Variants in ATP8A2 observed in about 807,000 individuals in gnomAD.
ATP8A2 encodes the protein ATPase phospholipid transporting 8A2, also known as phospholipid-transporting ATPase IB.
ATP8A2 carries 100 observed loss-of-function variants against 165.6 expected under a neutral mutation model. The ratio of observed to expected loss-of-function variants is 0.60; its 90% CI spans 0.51 to 0.71. The LOEUF is 0.71. Ranked by LOEUF, ATP8A2 falls within the 30% of genes least tolerant of loss-of-function variation. ATP8A2 has a pLI of 0.00. For synonymous variants in ATP8A2, 543 were observed against 548.8 expected, an observed-to-expected ratio of 0.99 and a Z score of 0.15; for missense variants, 1,227 against 1,479.5, an observed-to-expected ratio of 0.83 and a Z score of 2.80.
chr13:25,774,027 T>G (rs907481280), intron 26 of ATP8A2, among the ~76,000 whole-genome samples: 1 of 152,212 alleles, frequency 6.6e-6, no homozygotes, highest in Non-Finnish European at 1.5e-5. Context: ...TTTTTGTCAC[T>G]GAAAAAATCT....
Position 25,693,730 on chromosome 13 carries a change from C to T in ATP8A2, c.2212-5443C>T, listed in dbSNP as rs538012753. Among the ~76,000 whole-genome samples, 3 of 152,222 alleles carry T rather than the reference C, an allele frequency of 2.0e-5. No homozygotes were observed. In the East Asian group the frequency reaches 5.8e-4, roughly 29 times the overall value. ...TTTTATTTATTTATTTTGTCTGTCA[C>T]CCAGGTTGGAGTGCAGTGGCACGAT... On this transcript the variant is annotated intron_variant, in intron 24 of 36. Transcript: ENST00000381655.
At chr13:25,936,531 C>T (rs1389180989) in intron 33 of ATP8A2, among the ~76,000 whole-genome samples, 1 of 152,226 alleles carries the variant, frequency 6.6e-6, no homozygotes, top group Non-Finnish European at 1.5e-5. Context: ...ATCTTCAAGT[C>T]AGGCTAAATG....
chr13:25,652,422 A>C (rs2041834878), intron 24 of ATP8A2, among the ~76,000 whole-genome samples: 1 of 152,198 alleles, frequency 6.6e-6, no homozygotes, highest in South Asian at 2.1e-4. Context: ...CCAGCGTCAC[A>C]GACTTAGTGA....
chr13:25,434,652 C>T (rs2138166294), intron 1 of ATP8A2, among the ~76,000 whole-genome samples: 1 of 152,240 alleles, frequency 6.6e-6, no homozygotes, highest in Non-Finnish European at 1.5e-5. Context: ...CCTGGCCCCA[C>T]TTTCTTTTCA....
intron 35 of ATP8A2, among the ~76,000 whole-genome samples, chr13:25,969,665 T>C (rs965436254): frequency 6.6e-6 from 1 of 152,180 alleles, no homozygotes; most frequent in African/African-American, 2.4e-5. Flanking sequence ...TCAAACAGAT[T>C]TTAGAAAAGG....
rs369680859 is a variant in ATP8A2 at position 25,551,445 on chromosome 13, G to C, written c.999G>C (p.Ala333=). 6.2e-6 allele frequency: 10 copies of C among 1,613,934 alleles called. No individual in the cohort carries two copies. The African/African-American group carries it at 6.7e-5, about 11-fold the overall frequency. ...TGGTCATGGCCTTGGTGAGCTCGGC[G>C]GGGGCCCTGTACTGGAACAGGTCTC... The part of the protein sequence containing the change: ...ILLVMALVSS[A]GALYWNRSHG... Residue 333 remains alanine (A), a synonymous_variant, in exon 11 of 37, where the codon GCG becomes GCC. Transcript: ENST00000381655.
At chr13:25,379,683 A>G (rs2137919060) in intron 1 of ATP8A2, among the ~76,000 whole-genome samples, 1 of 152,326 alleles carries the variant, frequency 6.6e-6, no homozygotes, top group Non-Finnish European at 1.5e-5. Flanking sequence ...GTTACTGTAT[A>G]TGTAGCAAAC....
At chr13:25,952,921 C>T (rs1955409547) in intron 33 of ATP8A2, among the ~76,000 whole-genome samples, 1 of 152,162 alleles carries the variant, frequency 6.6e-6, no homozygotes, top group Non-Finnish European at 1.5e-5. Flanking sequence ...TTTTGACATG[C>T]ACGCTCATGA....
intron 28 of ATP8A2, among the ~76,000 whole-genome samples, chr13:25,831,171 G>A (rs1045527404): frequency 2.0e-5 from 3 of 150,872 alleles, no homozygotes; most frequent in African/African-American, 7.3e-5. Context: ...GTTTGATTCC[G>A]CAAGTCAGCT....
At chr13:25,638,745 A>G (rs1014596963) in intron 24 of ATP8A2, among the ~76,000 whole-genome samples, 14 of 152,180 alleles carry the variant, frequency 9.2e-5, no homozygotes, top group African/African-American at 2.7e-4. Context: ...AAATTCAGGA[A>G]ATACAGAGAA....
intron 33 of ATP8A2, among the ~76,000 whole-genome samples, chr13:25,894,843 A>C (rs1238296677): frequency 6.6e-6 from 1 of 151,952 alleles, no homozygotes; most frequent in African/African-American, 2.4e-5. Context: ...TTTGTCTGTT[A>C]TTGGTGTATA....
At chr13:26,002,484 C>G (rs1956647405) in intron 35 of ATP8A2, among the ~76,000 whole-genome samples, 1 of 151,296 alleles carries the variant, frequency 6.6e-6, no homozygotes, top group South Asian at 2.1e-4. Flanking sequence ...TTAATGGGTG[C>G]AGCAAACCAA....
intron 35 of ATP8A2, among the ~76,000 whole-genome samples, chr13:25,996,735 G>A (rs1462692905): frequency 6.6e-6 from 1 of 152,150 alleles, no homozygotes. Flanking sequence ...CCAGGCTGGA[G>A]TGCAGTGGCA....
intron 8 of ATP8A2, among the ~76,000 whole-genome samples, chr13:25,540,615 C>G (rs1344466481): frequency 6.6e-6 from 1 of 152,078 alleles, no homozygotes; most frequent in Non-Finnish European, 1.5e-5. Context: ...CTTCATATAG[C>G]GTCTTATTGA....
At chr13:25,532,183 C>T in intron 4 of ATP8A2, 89 bp from the exon 5 acceptor site, 2 of 1,017,500 alleles carry the variant, frequency 2.0e-6, no homozygotes, top group East Asian at 2.5e-5. Context: ...TTCCTTGTCC[C>T]CTGTAATTTC....
intron 22 of ATP8A2, 86 bp from the exon 23 acceptor site, chr13:25,581,733 G>T (rs932161714): frequency 2.3e-6 from 3 of 1,287,028 alleles, no homozygotes; most frequent in Non-Finnish European, 3.4e-6. Flanking sequence ...TCTCAGAACC[G>T]TTTGATTGCC....
chr13:25,807,797 G>A (rs925627417), intron 27 of ATP8A2, among the ~76,000 whole-genome samples: 5 of 151,928 alleles, frequency 3.3e-5, no homozygotes, highest in Admixed American at 6.6e-5. Context: ...CTGTGCACTC[G>A]AGAAGCCAGA....
chr13:25,649,349 G>C (rs2041756425), intron 24 of ATP8A2, among the ~76,000 whole-genome samples: 1 of 152,182 alleles, frequency 6.6e-6, no homozygotes, highest in East Asian at 1.9e-4. Flanking sequence ...AGTAGCCTCA[G>C]ATCAGGCCAG....
At chr13:25,847,008 A>G (rs1452713202) in intron 30 of ATP8A2, among the ~76,000 whole-genome samples, 1 of 152,234 alleles carries the variant, frequency 6.6e-6, no homozygotes, top group Admixed American at 6.5e-5. Context: ...GCAGCATGGA[A>G]AAGATCTAAA....
Sources: gnomAD v4.1 joint callset for allele counts (sites outside exome capture counted in the v4.1 genomes callset) on GRCh38, gnomAD v4.1.1 for gene constraint, MANE v1.5 for transcripts, NCBI Gene and HGNC (gene_info 2026-07-23, HGNC 2026-07-21) for gene names.